The following GARIN5B variants were observed in gnomAD, a reference collection of about 807,000 sequenced individuals.
GARIN5B encodes golgi associated RAB2 interactor family member 5B.
At chr19:55,360,846 A>G in the GARIN5B span, 1 of 1,549,202 alleles carries the variant, frequency 6.5e-7, no homozygotes. Flanking sequence ...GGGTGGGTTG[A>G]TCTTACCAGG....
chr19:55,355,030 CA>C, the GARIN5B span: 4 of 254,078 alleles, frequency 1.6e-5, no homozygotes, highest in Non-Finnish European at 3.1e-5. Flanking sequence ...CCAGAGGGGG[CA>C]AATCCCCCCA....
chr19:55,355,822 C>T, the GARIN5B span, among the ~76,000 whole-genome samples: 1 of 149,698 alleles, frequency 6.7e-6, no homozygotes, highest in South Asian at 2.1e-4. Context: ...CCCATCTCTA[C>T]AAAAAATACC....
At chr19:55,358,099 T>C in the GARIN5B span, 3 of 1,399,024 alleles carry the variant, frequency 2.1e-6, no homozygotes, top group Non-Finnish European at 2.8e-6. Flanking sequence ...CTCTGTCTCA[T>C]AAACAGCAGA....
chr19:55,360,035 C>T, the GARIN5B span: 3 of 1,479,316 alleles, frequency 2.0e-6, no homozygotes, highest in East Asian at 2.5e-5. Flanking sequence ...AGACCCCAGA[C>T]CCGGGAGGGC....
chr19:55,362,292 G>A, the GARIN5B span: 1 of 1,545,604 alleles, frequency 6.5e-7, no homozygotes, highest in South Asian at 1.2e-5. Flanking sequence ...GGCATATCCA[G>A]GGGGGCCGTG....
At chr19:55,359,709 G>T in the GARIN5B span, 3 of 1,551,472 alleles carry the variant, frequency 1.9e-6, no homozygotes, top group Non-Finnish European at 2.6e-6. Flanking sequence ...GAGCCCATAG[G>T]CCCGGCCTTT....
At chr19:55,358,855 T>C in the GARIN5B span, 14 of 1,547,188 alleles carry the variant, frequency 9.0e-6, no homozygotes, top group South Asian at 4.8e-5. Context: ...CCTTGACCCA[T>C]CTCTTCCGCT....
the GARIN5B span, chr19:55,361,258 C>T: frequency 1.3e-6 from 2 of 1,550,480 alleles, no homozygotes; most frequent in Non-Finnish European, 1.7e-6. Context: ...GAGGAGACAT[C>T]CTGGGTCAGG....
the GARIN5B span, chr19:55,358,684 C>T: frequency 6.4e-7 from 1 of 1,551,344 alleles, no homozygotes; most frequent in South Asian, 1.2e-5. Context: ...TGGCCGACGC[C>T]TGCGGAGTCG....
the GARIN5B span, chr19:55,359,689 C>T: frequency 7.7e-6 from 12 of 1,551,428 alleles, no homozygotes; most frequent in African/African-American, 1.4e-5. Context: ...GTGGCCCCGG[C>T]CCCTGGTGGG....
the GARIN5B span, among the ~76,000 whole-genome samples, chr19:55,356,270 G>A: frequency 6.6e-6 from 1 of 152,056 alleles, no homozygotes; most frequent in Non-Finnish European, 1.5e-5. Flanking sequence ...CAGTGCAGTG[G>A]CACGATGGTG....
the GARIN5B span, chr19:55,359,427 T>C: frequency 1.3e-6 from 2 of 1,550,092 alleles, no homozygotes; most frequent in Middle Eastern, 3.8e-4. Flanking sequence ...GCTGAGGCCT[T>C]CCGGGATGGA....
chr19:55,361,040 G>T, the GARIN5B span: 1 of 1,550,896 alleles, frequency 6.4e-7, no homozygotes, highest in African/African-American at 1.4e-5. Flanking sequence ...GCATGCTCCA[G>T]CTGCGACCAG....
chr19:55,357,335 A>G, the GARIN5B span, among the ~76,000 whole-genome samples: 146 of 152,256 alleles, frequency 9.6e-4, no homozygotes, highest in African/African-American at 3.2e-3. Flanking sequence ...GCTCGCTCAG[A>G]GTCAGAGCCA....
At chr19:55,359,218 C>G in the GARIN5B span, 2 of 1,551,202 alleles carry the variant, frequency 1.3e-6, no homozygotes, top group Non-Finnish European at 1.7e-6. Flanking sequence ...GCGGGCTCAG[C>G]GCCATCTGGT....
At chr19:55,359,003 T>A in the GARIN5B span, 2 of 1,551,206 alleles carry the variant, frequency 1.3e-6, no homozygotes, top group Non-Finnish European at 1.7e-6. Flanking sequence ...AATCAGGATG[T>A]CCTTGGACTC....
At chr19:55,359,347 C>G in the GARIN5B span, 1 of 1,488,192 alleles carries the variant, frequency 6.7e-7, no homozygotes, top group Non-Finnish European at 9.0e-7. Flanking sequence ...ATGGGGCCTT[C>G]TGAGATGGGG....
At chr19:55,360,608 C>A in the GARIN5B span, 3 of 1,469,344 alleles carry the variant, frequency 2.0e-6, no homozygotes, top group Non-Finnish European at 2.7e-6. Context: ...CCCAGCCTCT[C>A]CTCCCTCAGA....
chr19:55,359,994 A>AGG, the GARIN5B span: 3 of 1,530,702 alleles, frequency 2.0e-6, no homozygotes, highest in Non-Finnish European at 2.6e-6. Context: ...AGGTGGACAG[A>AGG]GGGGAGAGGA....
Sources: allele counts gnomAD v4.1 joint callset (sites outside exome capture counted in the v4.1 genomes callset), GRCh38; gene constraint gnomAD v4.1.1; transcripts MANE v1.5; gene names NCBI Gene and HGNC (gene_info 2026-07-23, HGNC 2026-07-21).